The following MYT1L variants were observed in gnomAD, a reference collection of about 807,000 sequenced individuals.
MYT1L encodes the protein myelin transcription factor 1 like.
MYT1L carries 12 observed loss-of-function variants against 126.7 expected under a neutral mutation model. That is an observed-to-expected ratio of 0.09 (90% CI 0.06 to 0.15). MYT1L has a LOEUF of 0.15. MYT1L is among the 10% of genes least tolerant of loss of function. The pLI, the probability that MYT1L is intolerant of heterozygous loss-of-function variation, is 1.00. For missense variants in MYT1L, 979 were observed against 1,585.2 expected, an observed-to-expected ratio of 0.62 and a Z score of 6.49; for synonymous variants, 541 against 604.2, an observed-to-expected ratio of 0.90 and a Z score of 1.53.
intron 5 of MYT1L, among the ~76,000 whole-genome samples, chr2:1,996,032 A>G (rs1260655780): frequency 1.3e-5 from 2 of 152,232 alleles, no homozygotes; most frequent in African/African-American, 4.8e-5. Context: ...AAGCTGAGGC[A>G]TCTTCCCAGG....
At chr2:2,139,669 T>C (rs1177832852) in intron 3 of MYT1L, among the ~76,000 whole-genome samples, 4 of 150,678 alleles carry the variant, frequency 2.7e-5, no homozygotes, top group African/African-American at 9.8e-5. Context: ...TAAATAAATA[T>C]AAAAAAGTGC....
At chr2:1,792,856 C>G (rs561284070) in intron 23 of MYT1L, among the ~76,000 whole-genome samples, 1 of 92,386 alleles carries the variant, frequency 1.1e-5, no homozygotes, top group Non-Finnish European at 2.0e-5. Flanking sequence ...GGTGACAGAC[C>G]GAGATTCCGT....
intron 4 of MYT1L, among the ~76,000 whole-genome samples, chr2:2,032,571 C>T (rs113665648): frequency 1.2e-4 from 14 of 115,150 alleles, no homozygotes; most frequent in East Asian, 6.1e-4. Flanking sequence ...TCTCATCCTG[C>T]GGCCCAGAGA....
intron 2 of MYT1L, among the ~76,000 whole-genome samples, chr2:2,265,027 T>A (rs1039684363): frequency 3.3e-5 from 5 of 151,266 alleles, no homozygotes; most frequent in African/African-American, 4.9e-5. Context: ...CAGTCTTTTT[T>A]AATTTTTTTT....
At chr2:2,152,547 T>C (rs932555491) in intron 3 of MYT1L, among the ~76,000 whole-genome samples, 5 of 152,032 alleles carry the variant, frequency 3.3e-5, no homozygotes, top group Non-Finnish European at 5.9e-5. Context: ...CAGGAGACGA[T>C]TACATGGTTA....
At chr2:2,278,094 G>C (rs547711741) in intron 2 of MYT1L, among the ~76,000 whole-genome samples, 1 of 152,114 alleles carries the variant, frequency 6.6e-6, no homozygotes, top group Non-Finnish European at 1.5e-5. Flanking sequence ...AATTTAAAGC[G>C]GAAAGTAAAA....
At position 1,979,621 on chromosome 2, in the gene MYT1L, T is replaced by A; in HGVS notation, c.56-67A>T. 6.2e-7 allele frequency: 1 copy of A among 1,603,840 alleles called. No individual in the cohort carries two copies. Among genetic ancestry groups the A allele is most frequent in the Non-Finnish European group, 8.5e-7 (1 of 1,170,774 alleles). On this transcript the variant is annotated intron_variant, in intron 6 of 24. Coordinates refer to ENST00000647738, the MANE Select transcript of MYT1L (RefSeq NM_001303052.2). The surrounding 1 kb of genome is among the most constrained non-coding windows in gnomAD (Gnocchi z 4.0). ...CAAGCGACCCTCTTCCACAGAAAAT[T>A]ACCAAAAGGGTGGCATGAAAGTGGG...
chr2:1,916,282 T>TAA (rs1260782110), intron 11 of MYT1L, among the ~76,000 whole-genome samples: 1 of 152,196 alleles, frequency 6.6e-6, no homozygotes, highest in African/African-American at 2.4e-5. Flanking sequence ...TTACCCATTT[T>TAA]AATGGGACAG....
intron 2 of MYT1L, among the ~76,000 whole-genome samples, chr2:2,261,759 C>T (rs1275167443): frequency 6.6e-5 from 10 of 152,128 alleles, no homozygotes; most frequent in Admixed American, 1.3e-4. Flanking sequence ...ATGTGCTTCT[C>T]GTAAATGGAG....
At position 1,943,060 on chromosome 2, in the gene MYT1L, C is replaced by T; in HGVS notation, c.427G>A (p.Asp143Asn). The T allele has an allele frequency of 6.8e-7, 1 of 1,468,122 alleles. No individual in the cohort carries two copies. The highest frequency in any genetic ancestry group is 9.3e-7 in the Non-Finnish European group (1 of 1,070,862). 90.9% of individuals were successfully genotyped at this position (1,468,122 alleles called of 1,614,324 possible). A position where few individuals can be genotyped will look rare whatever the true frequency, so the allele number is the denominator to read the frequency against. ...EEIEEEDEDD[D>N]EDGEDVEDEE... ...TCCTCCACATCTTCTCCATCCTCGTCATCGTCCTCATCCTCCTCCTCGATC... is the reference window on the plus strand; with the variant it reads ...TCCTCCACATCTTCTCCATCCTCGTTATCGTCCTCATCCTCCTCCTCGATC... The change falls in exon 9 of 25, where the codon GAC (aspartate) becomes AAC (asparagine). Residue 143 changes from aspartate to asparagine, a missense_variant. Around this residue, in one of 12 missense-constraint regions of MYT1L, gnomAD observed 111 missense variants for 115.9 expected, o/e 0.96. Coordinates refer to ENST00000647738, the MANE Select transcript of MYT1L (RefSeq NM_001303052.2). This position sits in a 1 kb window ranked among gnomAD's most constrained non-coding sequence, Gnocchi z 4.4.
At chr2:2,218,059 C>G (rs2093745098) in intron 2 of MYT1L, among the ~76,000 whole-genome samples, 1 of 152,040 alleles carries the variant, frequency 6.6e-6, no homozygotes, top group South Asian at 2.1e-4. Context: ...ATAAAAAGAC[C>G]AACCACATAA....
At chr2:1,827,003 C>T (rs1180872084) in intron 21 of MYT1L, 1 of 152,256 alleles carries the variant, frequency 6.6e-6, no homozygotes, top group African/African-American at 2.4e-5. Flanking sequence ...TAGCAATCCC[C>T]ACCCCTGCTG....
intron 2 of MYT1L, among the ~76,000 whole-genome samples, chr2:2,221,590 G>A (rs1191368741): frequency 6.6e-6 from 1 of 152,168 alleles, no homozygotes; most frequent in African/African-American, 2.4e-5. Context: ...AGGGTGAAGG[G>A]AACAGAAAAT....
At chr2:1,837,042 T>C (rs1004018545) in intron 21 of MYT1L, among the ~76,000 whole-genome samples, 3 of 152,056 alleles carry the variant, frequency 2.0e-5, no homozygotes, top group African/African-American at 7.2e-5. Flanking sequence ...AGGGGCGTCA[T>C]GGGGCGGGGT....
intron 2 of MYT1L, among the ~76,000 whole-genome samples, chr2:2,197,689 A>C (rs1559308030): frequency 6.6e-6 from 1 of 151,820 alleles, no homozygotes; most frequent in African/African-American, 2.4e-5. Flanking sequence ...ATGTATACAT[A>C]CATGCACACA....
At chr2:2,130,901 GA>G (rs1407149684) in intron 3 of MYT1L, among the ~76,000 whole-genome samples, 9 of 152,008 alleles carry the variant, frequency 5.9e-5, no homozygotes, top group Non-Finnish European at 1.3e-4. Flanking sequence ...ACCCAGGCAA[GA>G]AAAAAATCTT....
intron 18 of MYT1L, among the ~76,000 whole-genome samples, chr2:1,871,755 C>A (rs2046316666): frequency 6.6e-6 from 1 of 152,092 alleles, no homozygotes; most frequent in Non-Finnish European, 1.5e-5. Flanking sequence ...TGAAAAAATT[C>A]TTGTGTGGGT....
At chr2:2,179,603 T>C (rs1258249105) in intron 2 of MYT1L, among the ~76,000 whole-genome samples, 1 of 152,210 alleles carries the variant, frequency 6.6e-6, no homozygotes, top group Non-Finnish European at 1.5e-5. Flanking sequence ...GAGGTAGAAT[T>C]ATGCCTGTTT....
intron 8 of MYT1L, among the ~76,000 whole-genome samples, chr2:1,958,431 C>T (rs1219490304): frequency 6.6e-6 from 1 of 152,114 alleles, no homozygotes; most frequent in African/African-American, 2.4e-5. Context: ...AGGATGTGGC[C>T]ACTGCAGATG....
Sources: gnomAD v4.1 joint callset for allele counts (sites outside exome capture counted in the v4.1 genomes callset) on GRCh38, gnomAD v4.1.1 for gene constraint, gnomAD v4.1.1 regional missense constraint, Gnocchi (gnomAD v3.1) non-coding constraint, MANE v1.5 for transcripts, NCBI Gene and HGNC (gene_info 2026-07-23, HGNC 2026-07-21) for gene names.